Variants in PRSS55 observed in about 807,000 individuals in gnomAD.
PRSS55 encodes the protein serine protease 55, also known as probable serine protease UNQ9391/PRO34284.
PRSS55 carries 41 observed loss-of-function variants against 23.6 expected under a neutral mutation model. The ratio of observed to expected loss-of-function variants is 1.74; its 90% confidence interval spans 1.35 to 2.26. The LOEUF is 2.26. Among genes scored for constraint, PRSS55 ranks in the 30% most tolerant of loss-of-function variants. The pLI is 0.00. For synonymous variants in PRSS55, 262 were observed against 175.5 expected (o/e 1.49, Z -3.90); for missense variants, 669 against 439.1 (o/e 1.52, Z -4.68).
intron 3 of PRSS55, among the ~76,000 whole-genome samples, chr8:10,532,397 A>G (rs535367040): frequency 5.9e-5 from 9 of 152,280 alleles, no homozygotes; most frequent in African/African-American, 1.7e-4. Flanking sequence ...AATTCCCGGC[A>G]TCTGGCGGCC....
downstream of PRSS55, among the ~76,000 whole-genome samples, chr8:10,541,815 G>C (rs1812664646): frequency 6.6e-6 from 1 of 152,132 alleles, no homozygotes; most frequent in Non-Finnish European, 1.5e-5. Flanking sequence ...CTGGAGTGCA[G>C]TGCCATGATC....
chr8:10,535,041 C>G (rs1012653049), intron 4 of PRSS55, among the ~76,000 whole-genome samples: 2 of 152,054 alleles, frequency 1.3e-5, no homozygotes, highest in Non-Finnish European at 2.9e-5. Flanking sequence ...ATAAGAATTA[C>G]AAAACATTAC....
downstream of PRSS55, among the ~76,000 whole-genome samples, chr8:10,539,793 C>G (rs762454271): frequency 5.3e-5 from 8 of 152,202 alleles, no homozygotes; most frequent in Non-Finnish European, 8.8e-5. Context: ...AACTGTGAGT[C>G]CATAAACCTC....
chr8:10,538,819 A>G lies in PRSS55; in HGVS notation c.*26A>G, dbSNP rs1374046656. On this transcript the variant is annotated 3_prime_UTR_variant, in exon 5 of 5. Coordinates refer to ENST00000328655, the MANE Select transcript of PRSS55 (RefSeq NM_198464.4). ...TAATAAAATAGAGGCTATTCTTTCA[A>G]CCGAGGGAGGGTGCATGCAAGTGCG... 1 of 1,526,270 alleles carries G rather than the reference A, an allele frequency of 6.6e-7. No individual in the cohort carries two copies. Among genetic ancestry groups the G allele is most frequent in the East Asian group, 2.3e-5 (1 of 44,150 alleles). The allele number at this position is 1,526,270 out of a possible 1,614,324, so 94.5% of individuals were successfully genotyped here. A position where few individuals can be genotyped will look rare whatever the true frequency, so the allele number is the denominator to read the frequency against.
At chr8:10,541,007 C>G (rs557977577), downstream of PRSS55, 1 of 152,680 alleles carries the variant, frequency 6.5e-6, no homozygotes, top group Admixed American at 6.5e-5. Flanking sequence ...TGGCCCTTTG[C>G]TGGGGGCTGG....
chr8:10,531,918 GCT>G (rs898206752), intron 3 of PRSS55, among the ~76,000 whole-genome samples: 3 of 152,330 alleles, frequency 2.0e-5, no homozygotes, highest in African/African-American at 7.2e-5. Flanking sequence ...CCTGGGCTAG[GCT>G]CTGACGGTCC....
Position 10,538,714 on chromosome 8 carries a change from T to A in PRSS55, c.980T>A (p.Val327Asp), listed in dbSNP as rs1812547210. 1.9e-6 allele frequency: 3 copies of A among 1,613,430 alleles called. No individual in the cohort carries two copies. Among genetic ancestry groups the A allele is most frequent in the Non-Finnish European group, 2.5e-6 (3 of 1,179,832 alleles). Residue 327 changes from valine (V) to aspartate (D), a missense_variant, in exon 5 of 5, where the codon GTC becomes GAC. Transcript: ENST00000328655. ...QKPMGSPVSGVPEPGSPRSWL... is the reference protein window; with the variant it reads ...QKPMGSPVSGDPEPGSPRSWL... ...CCTATGGGCTCCCCAGTCTCGGGAG[T>A]CCCAGAGCCAGGCAGCCCCAGATCC...
At chr8:10,551,500 G>A (rs1377416652) in intron 4 of PRSS55, among the ~76,000 whole-genome samples, 1 of 152,234 alleles carries the variant, frequency 6.6e-6, no homozygotes, top group Non-Finnish European at 1.5e-5. Context: ...TGCAGCACAG[G>A]TGGAGGCATG....
rs145961250 is a variant in PRSS55, at chr8:10,552,926, C to T, written c.742-1017C>T. On this transcript the variant is annotated intron_variant, in intron 4 of 4. Transcript: ENST00000522210. ...GCAATCCCACTTCGGGGTATCTATT[C>T]AAAGGAAATGAAATCAGTATGTTGA... 3.9e-5 allele frequency among the ~76,000 whole-genome samples: 6 copies of T among 152,302 alleles called. No homozygotes were observed. In the East Asian group the frequency reaches 1.2e-3, roughly 29 times the overall value.
chr8:10,536,143 T>C (rs1284508018), intron 4 of PRSS55, among the ~76,000 whole-genome samples: 1 of 152,076 alleles, frequency 6.6e-6, no homozygotes, highest in African/African-American at 2.4e-5. Context: ...CCCAGACTGC[T>C]GCCACTGCAC....
At chr8:10,552,885 A>T (rs972724018) in intron 4 of PRSS55, among the ~76,000 whole-genome samples, 1 of 152,228 alleles carries the variant, frequency 6.6e-6, no homozygotes, top group African/African-American at 2.4e-5. Flanking sequence ...TAAAAATAGA[A>T]CTACCATATC....
chr8:10,535,045 A>G (rs1465371737), intron 4 of PRSS55, among the ~76,000 whole-genome samples: 1 of 152,196 alleles, frequency 6.6e-6, no homozygotes, highest in Non-Finnish European at 1.5e-5. Flanking sequence ...GAATTACAAA[A>G]CATTACTGAA....
At chr8:10,537,802 C>T (rs1222497662) in intron 4 of PRSS55, among the ~76,000 whole-genome samples, 1 of 152,134 alleles carries the variant, frequency 6.6e-6, no homozygotes, top group East Asian at 1.9e-4. Context: ...TACCATAGAA[C>T]CCTCAGCAAG....
intron 4 of PRSS55, among the ~76,000 whole-genome samples, chr8:10,536,521 C>G (rs1217203837): frequency 1.3e-5 from 2 of 152,104 alleles, no homozygotes; most frequent in Non-Finnish European, 2.9e-5. Flanking sequence ...CTGGTACAGA[C>G]CGAAAGGAAT....
At chr8:10,526,156 C>T (rs1326078649) in intron 1 of PRSS55, among the ~76,000 whole-genome samples, 2 of 152,160 alleles carry the variant, frequency 1.3e-5, no homozygotes, top group East Asian at 3.9e-4. Context: ...CCCAGAGCTC[C>T]CTGATGGCTC....
downstream of PRSS55, chr8:10,538,911 A>T (rs1812555604): frequency 3.8e-6 from 4 of 1,044,092 alleles, no homozygotes. Flanking sequence ...GACCAGGAGG[A>T]CCAGAGAGTC....
intron 4 of PRSS55, among the ~76,000 whole-genome samples, chr8:10,537,881 G>C (rs1812511137): frequency 6.6e-6 from 1 of 152,168 alleles, no homozygotes; most frequent in Non-Finnish European, 1.5e-5. Flanking sequence ...GCATTTGTTT[G>C]ATTTATGTAG....
intron 3 of PRSS55, 65 bp from the exon 4 acceptor site, chr8:10,532,841 C>T: frequency 6.2e-7 from 1 of 1,600,402 alleles, no homozygotes; most frequent in Non-Finnish European, 8.5e-7. Flanking sequence ...GCACAGTCAG[C>T]TGCATCACGA....
intron 3 of PRSS55, 108 bp downstream of exon 3, chr8:10,531,653 C>T (rs990183052): frequency 2.4e-5 from 36 of 1,470,440 alleles, no homozygotes; most frequent in African/African-American, 4.2e-5. Context: ...AGCAGATTCC[C>T]GCTCAGTGGA....
Sources: allele counts gnomAD v4.1 joint callset (sites outside exome capture counted in the v4.1 genomes callset), GRCh38; gene constraint gnomAD v4.1.1; transcripts MANE v1.5; gene names NCBI Gene and HGNC (gene_info 2026-07-23, HGNC 2026-07-21).